The following ANKFN1 variants were observed in gnomAD, a reference collection of about 807,000 sequenced individuals.
ANKFN1 encodes ankyrin repeat and fibronectin type III domain containing 1, also known as ankyrin repeat and fibronectin type-III domain-containing protein 1.
In ANKFN1, 74 loss-of-function variants were observed where a neutral mutation model predicts 108.7. The observed-to-expected ratio is 0.68, with a 90% confidence interval of 0.56 to 0.83. The LOEUF is 0.83. ANKFN1 is among the 40% of genes least tolerant of loss of function. The probability of loss-of-function intolerance (pLI) is 0.00; values close to 1 mark genes in which losing one functional copy is unlikely to be tolerated. For synonymous variants in ANKFN1, 547 were observed against 516.2 expected, an observed-to-expected ratio of 1.06 and a Z score of -0.81; for missense variants, 1,505 against 1,382.3, an observed-to-expected ratio of 1.09 and a Z score of -1.41.
chr17:56,160,419 T>C (rs1223760242), intron 1 of ANKFN1, among the ~76,000 whole-genome samples: 1 of 152,228 alleles, frequency 6.6e-6, no homozygotes, highest in Non-Finnish European at 1.5e-5. Flanking sequence ...CTTCCTTTCT[T>C]TCTTTTTTCT....
rs1008044102 is a variant in ANKFN1, at chr17:56,510,633, C to T, written c.2805C>T (p.Ser935=). 3 of 1,536,176 alleles carry T rather than the reference C, an allele frequency of 2.0e-6. No individual in the cohort carries two copies. Among genetic ancestry groups the T allele is most frequent in the South Asian group, 1.2e-5 (1 of 84,068 alleles). Residue 935 remains serine (S), a synonymous_variant, in exon 21 of 21, where the codon AGC becomes AGT. Transcript: ENST00000682825. ...AGACCCTTAGCGGCCTAAGCGGCAG[C>T]GCCCCCGACGTCCTGCAAGTGCACG... The part of the protein sequence containing the change: ...AQQTLSGLSG[S]APDVLQVHDV...
intron 4 of ANKFN1, among the ~76,000 whole-genome samples, chr17:56,126,252 T>G (rs898468912): frequency 4.0e-5 from 6 of 151,756 alleles, no homozygotes; most frequent in Non-Finnish European, 8.8e-5. Context: ...TTGGATTTGA[T>G]TTGAGAGATT....
At chr17:56,411,299 T>C (rs1372690061) in intron 8 of ANKFN1, among the ~76,000 whole-genome samples, 2 of 152,204 alleles carry the variant, frequency 1.3e-5, no homozygotes, top group Non-Finnish European at 2.9e-5. Flanking sequence ...TACTTTGTTT[T>C]TAGTGTATGG....
chr17:56,114,450 G>A (rs1398259694), intron 4 of ANKFN1, among the ~76,000 whole-genome samples: 1 of 152,206 alleles, frequency 6.6e-6, no homozygotes, highest in African/African-American at 2.4e-5. Flanking sequence ...ATTTTTGAGT[G>A]CCTGTAATGG....
intron 1 of ANKFN1, among the ~76,000 whole-genome samples, chr17:56,170,799 T>TACACACACACACACACAC (rs1325475648): frequency 1.8e-4 from 11 of 62,842 alleles, no homozygotes; most frequent in Non-Finnish European, 4.1e-4. Context: ...TATATATATA[T>TACACACACACACACACAC]ATATATATAC....
rs748826094 is a variant in ANKFN1 at position 56,456,842 on chromosome 17, T to C, written c.1208-19T>C. 51 of 1,607,644 alleles carry C rather than the reference T, an allele frequency of 3.2e-5. No homozygotes were observed. The Admixed American group carries it at 8.5e-4, about 27-fold the overall frequency. On this transcript the variant is annotated intron_variant, in intron 11 of 20. Transcript: ENST00000682825. ...CTGCCCAGTGGAATTTATACTGTAT[T>C]TTTTAAAATACATTCCAGAAAGCAC...
chr17:56,138,883 T>C (rs1403910079), intron 4 of ANKFN1, among the ~76,000 whole-genome samples: 1 of 152,014 alleles, frequency 6.6e-6, no homozygotes, highest in Non-Finnish European at 1.5e-5. Context: ...AAACAAACAA[T>C]ATAAAAAAGA....
chr17:56,153,128 C>T (rs1300440322), upstream of ANKFN1, among the ~76,000 whole-genome samples: 1 of 152,194 alleles, frequency 6.6e-6, no homozygotes, highest in African/African-American at 2.4e-5. Context: ...TTCCTTCCCA[C>T]CCTGTCTCCT....
intron 3 of ANKFN1, among the ~76,000 whole-genome samples, chr17:56,293,502 A>C (rs1308697460): frequency 6.6e-6 from 1 of 152,192 alleles, no homozygotes; most frequent in Non-Finnish European, 1.5e-5. Flanking sequence ...GCACATATGC[A>C]CTGGTTTCGT....
At chr17:56,232,139 G>A (rs1252757032) in intron 3 of ANKFN1, among the ~76,000 whole-genome samples, 1 of 152,064 alleles carries the variant, frequency 6.6e-6, no homozygotes, top group African/African-American at 2.4e-5. Flanking sequence ...TATACTCTCT[G>A]AGTCTTCCTT....
chr17:56,102,697 G>A (rs1905670428), intron 4 of ANKFN1, among the ~76,000 whole-genome samples: 1 of 151,966 alleles, frequency 6.6e-6, no homozygotes, highest in South Asian at 2.1e-4. Context: ...TGACTGAGGT[G>A]TGCATGCAGA....
chr17:56,079,482 G>A (rs181762105), intron 4 of ANKFN1, among the ~76,000 whole-genome samples: 74 of 152,222 alleles, frequency 4.9e-4, no homozygotes, highest in African/African-American at 1.7e-3. Flanking sequence ...AAGCTGACCT[G>A]CCCCATTCAT....
intron 4 of ANKFN1, among the ~76,000 whole-genome samples, chr17:56,350,271 T>C (rs1245716231): frequency 6.6e-6 from 1 of 152,108 alleles, no homozygotes; most frequent in Non-Finnish European, 1.5e-5. Context: ...CCTCAAGAGA[T>C]TGGGGCTATG....
chr17:56,438,707 A>G (rs2049001763), intron 8 of ANKFN1, among the ~76,000 whole-genome samples: 1 of 152,140 alleles, frequency 6.6e-6, no homozygotes, highest in Non-Finnish European at 1.5e-5. Context: ...CAGTAGGAGC[A>G]TGCCACCACT....
At chr17:56,290,284 T>C (rs1019029984) in intron 3 of ANKFN1, among the ~76,000 whole-genome samples, 2 of 152,202 alleles carry the variant, frequency 1.3e-5, no homozygotes, top group Non-Finnish European at 2.9e-5. Context: ...ACTTTACCGT[T>C]CACCCAGCAA....
At chr17:56,070,597 C>T (rs1012008333) in intron 4 of ANKFN1, among the ~76,000 whole-genome samples, 4 of 152,146 alleles carry the variant, frequency 2.6e-5, no homozygotes, top group African/African-American at 4.8e-5. Flanking sequence ...GGCCACTGTA[C>T]ACCCTCACTA....
chr17:56,228,042 A>C, intron 3 of ANKFN1, 85 bp downstream of exon 3: 1 of 1,148,510 alleles, frequency 8.7e-7, no homozygotes, highest in Non-Finnish European at 1.3e-6. Flanking sequence ...CCCATCTCAC[A>C]TTGCTGCATT....
At chr17:56,153,314 C>T (rs560648932), upstream of ANKFN1, among the ~76,000 whole-genome samples, 3 of 152,326 alleles carry the variant, frequency 2.0e-5, no homozygotes, top group East Asian at 3.9e-4. Flanking sequence ...TGTGGCACTT[C>T]CCCTGCCTCT....
At chr17:56,434,781 T>TC (rs2048879648) in intron 8 of ANKFN1, among the ~76,000 whole-genome samples, 1 of 150,286 alleles carries the variant, frequency 6.7e-6, no homozygotes, top group East Asian at 2.0e-4. Context: ...CGGCACGTCC[T>TC]TCTCTCTCTC....
Sources: allele counts gnomAD v4.1 joint callset (sites outside exome capture counted in the v4.1 genomes callset), GRCh38; gene constraint gnomAD v4.1.1; transcripts MANE v1.5; gene names NCBI Gene and HGNC (gene_info 2026-07-23, HGNC 2026-07-21).